KAZN: variants seen among roughly 807,000 people sequenced by gnomAD.
KAZN encodes kazrin.
KAZN carries 40 observed loss-of-function variants against 87.4 expected under a neutral mutation model. That is an observed-to-expected ratio of 0.46 (90% CI 0.36 to 0.60). KAZN has a LOEUF of 0.60. Ranked by LOEUF, KAZN falls within the 20% of genes least tolerant of loss-of-function variation. The pLI, the probability that KAZN is intolerant of heterozygous loss-of-function variation, is 0.00. For synonymous variants in KAZN, 466 were observed against 458.3 expected, an observed-to-expected ratio of 1.02 and a Z score of -0.22; for missense variants, 898 against 1,073.9, an observed-to-expected ratio of 0.84 and a Z score of 2.29.
chr1:14,957,961 G>A (rs1663349694), intron 1 of KAZN, among the ~76,000 whole-genome samples: 1 of 152,222 alleles, frequency 6.6e-6, no homozygotes, highest in Non-Finnish European at 1.5e-5. Context: ...TCTCCTTACA[G>A]GGGTGGCTGG....
intron 2 of KAZN, among the ~76,000 whole-genome samples, chr1:14,242,269 G>A (rs189965121): frequency 2.4e-4 from 37 of 152,212 alleles, no homozygotes; most frequent in African/African-American, 6.0e-4. Flanking sequence ...CCTAAATACC[G>A]GTTGCGAAAG....
chr1:14,603,345 A>C (rs1034339459), intron 1 of KAZN, among the ~76,000 whole-genome samples: 2 of 152,150 alleles, frequency 1.3e-5, no homozygotes, highest in Non-Finnish European at 2.9e-5. Flanking sequence ...AGCCTGCGCC[A>C]TGGTTTTCCA....
chr1:14,269,061 A>T (rs1295470262), intron 2 of KAZN, among the ~76,000 whole-genome samples: 1 of 152,236 alleles, frequency 6.6e-6, no homozygotes. Flanking sequence ...AGGAGATGTT[A>T]CTGTGAGTAA....
chr1:14,498,005 T>A (rs1043106183), intron 2 of KAZN, among the ~76,000 whole-genome samples: 2 of 152,138 alleles, frequency 1.3e-5, no homozygotes, highest in Admixed American at 1.3e-4. Context: ...TTCTATCCGG[T>A]TTCCCTTGCC....
At chr1:14,125,428 TCTCAAGGTGA>T (rs1179417447) in intron 1 of KAZN, among the ~76,000 whole-genome samples, 16 of 151,990 alleles carry the variant, frequency 1.1e-4, no homozygotes, top group African/African-American at 3.9e-4. Flanking sequence ...TTAAAAAGGG[TCTCAAGGTGA>T]AATCACCCTG....
At position 14,194,546 on chromosome 1, in the gene KAZN, T is replaced by C. The variant is rs1394954225; in HGVS notation, c.249+13954T>C. On this transcript the variant is annotated intron_variant, in intron 2 of 16. Transcript: ENST00000636203. ...ATCGTTGTCTGTGTCCCCAGACCCA[T>C]CCTCTCCCAGCAGTCCTTGGGGAGG... 2.0e-5 allele frequency among the ~76,000 whole-genome samples: 3 copies of C among 152,290 alleles called. No homozygotes were observed. The East Asian group carries it at 5.8e-4, about 29-fold the overall frequency.
chr1:14,590,866 C>G (rs1390112898), intron 2 of KAZN, among the ~76,000 whole-genome samples: 2 of 152,170 alleles, frequency 1.3e-5, no homozygotes, highest in Non-Finnish European at 2.9e-5. Flanking sequence ...AGACAGTAAG[C>G]AACTCATCGA....
At chr1:14,999,498 CCCTCCCCCCG>C (rs1268607417) in intron 2 of KAZN, among the ~76,000 whole-genome samples, 2 of 138,026 alleles carry the variant, frequency 1.4e-5, no homozygotes, top group African/African-American at 6.9e-5. Context: ...TTGCCTGCCC[CCCTCCCCCCG>C]CCCCGCCATC....
intron 1 of KAZN, among the ~76,000 whole-genome samples, chr1:14,019,726 C>T (rs1229439709): frequency 6.6e-6 from 1 of 152,136 alleles, no homozygotes; most frequent in East Asian, 1.9e-4. Context: ...CTTTCTGCAG[C>T]TTATTCTAAC....
intron 2 of KAZN, among the ~76,000 whole-genome samples, chr1:14,196,368 C>T (rs1305641552): frequency 1.3e-5 from 2 of 152,046 alleles, no homozygotes; most frequent in African/African-American, 4.8e-5. Flanking sequence ...ACTAGGTGAC[C>T]TATTAGGAGA....
chr1:15,003,583 A>G (rs1312675858), intron 2 of KAZN, among the ~76,000 whole-genome samples: 2 of 152,202 alleles, frequency 1.3e-5, no homozygotes, highest in East Asian at 3.8e-4. Context: ...GGGTTTGGCC[A>G]AGTGAGGGCC....
chr1:14,008,984 C>T (rs1162104305), intron 1 of KAZN, among the ~76,000 whole-genome samples: 2 of 152,180 alleles, frequency 1.3e-5, no homozygotes. Flanking sequence ...CTCCCAGCCC[C>T]TGGCGACTAC....
chr1:14,546,443 T>C lies in KAZN; in HGVS notation c.250-52540T>C, dbSNP rs187106998. On this transcript the variant is annotated intron_variant, in intron 2 of 16. Coordinates refer to the KAZN transcript ENST00000636203. ...AGTTTAATGTGAGGGCCTTTTTTTT[T>C]CCATCCTTTATGGGGGTGAGAGGTG... is the stretch of plus-strand genomic sequence containing the variant. 2.7e-3 allele frequency among the ~76,000 whole-genome samples: 409 copies of C among 152,066 alleles called. 3 individuals are homozygous for C. The highest frequency in any genetic ancestry group is 8.7e-3 in the African/African-American group (363 of 41,502).
At chr1:14,166,564 G>A (rs1409299893) in intron 1 of KAZN, among the ~76,000 whole-genome samples, 5 of 151,634 alleles carry the variant, frequency 3.3e-5, no homozygotes, top group African/African-American at 1.2e-4. Context: ...AGCAAATGTC[G>A]AAATAAGAGA....
chr1:13,899,824 A>G (rs1639180635), intron 1 of KAZN, among the ~76,000 whole-genome samples: 1 of 151,876 alleles, frequency 6.6e-6, no homozygotes, highest in South Asian at 2.1e-4. Context: ...TTGTATTTTT[A>G]GTAGAGATGG....
intron 1 of KAZN, among the ~76,000 whole-genome samples, chr1:14,067,247 C>T (rs941490089): frequency 8.4e-4 from 128 of 152,266 alleles, no homozygotes; most frequent in African/African-American, 2.9e-3. Context: ...TCTGAGTCTA[C>T]GTTTGTTGAA....
chr1:14,974,726 T>C (rs1263547641), intron 2 of KAZN, among the ~76,000 whole-genome samples: 1 of 152,192 alleles, frequency 6.6e-6, no homozygotes, highest in African/African-American at 2.4e-5. Flanking sequence ...ATATAGGATA[T>C]GATTCCATTT....
At chr1:14,889,454 C>T (rs1654468917) in intron 1 of KAZN, among the ~76,000 whole-genome samples, 1 of 152,182 alleles carries the variant, frequency 6.6e-6, no homozygotes, top group African/African-American at 2.4e-5. Flanking sequence ...TTGAGTGAAA[C>T]TCCTTGTACC....
chr1:13,936,101 T>TTTTTTTTTTTTTTTG (rs1229227849), intron 1 of KAZN, among the ~76,000 whole-genome samples: 2 of 134,938 alleles, frequency 1.5e-5, no homozygotes, highest in Non-Finnish European at 3.2e-5. Context: ...GTGCAGTTTT[T>TTTTTTTTTTTTTTTG]TTTTTTTTTT....
Sources: gnomAD v4.1 joint callset for allele counts (sites outside exome capture counted in the v4.1 genomes callset) on GRCh38, gnomAD v4.1.1 for gene constraint, MANE v1.5 for transcripts, NCBI Gene and HGNC (gene_info 2026-07-23, HGNC 2026-07-21) for gene names.